The following HECW1 variants were observed in gnomAD, a reference collection of about 807,000 sequenced individuals.
HECW1 encodes the protein E3 ubiquitin-protein ligase HECW1.
In HECW1, 61 loss-of-function variants were observed where a neutral mutation model predicts 182.3. The observed-to-expected ratio is 0.33, with a 90% CI of 0.27 to 0.41. The LOEUF is 0.41. Ranked by LOEUF, HECW1 falls within the 10% of genes least tolerant of loss-of-function variation. HECW1 has a pLI of 1.00. For missense variants in HECW1, 1,739 were observed against 2,108.9 expected (o/e 0.82, Z 3.44); for synonymous variants, 859 against 832.6 (o/e 1.03, Z -0.55).
intron 8 of HECW1, 35 bp downstream of exon 8, chr7:43,407,766 A>G: frequency 3.8e-6 from 6 of 1,580,190 alleles, no homozygotes; most frequent in Non-Finnish European, 5.2e-6. Context: ...AAGCCCAAGT[A>G]AAAGTGAAAG....
At chr7:43,246,754 G>C (rs1799414754) in intron 3 of HECW1, among the ~76,000 whole-genome samples, 1 of 152,236 alleles carries the variant, frequency 6.6e-6, no homozygotes. Context: ...CTCTGTGTCT[G>C]TTAGGTCCCC....
intron 24 of HECW1, among the ~76,000 whole-genome samples, chr7:43,533,765 C>T (rs1275577782): frequency 1.3e-5 from 2 of 152,150 alleles, no homozygotes; most frequent in Non-Finnish European, 2.9e-5. Flanking sequence ...ACCAAATGCC[C>T]AGCCTCTTTA....
chr7:43,386,757 G>C (rs148505442), intron 6 of HECW1, among the ~76,000 whole-genome samples: 1 of 152,184 alleles, frequency 6.6e-6, no homozygotes, highest in African/African-American at 2.4e-5. Context: ...GATGAGGGAG[G>C]AATGTGTCCA....
chr7:43,473,320 C>G (rs980883599), intron 16 of HECW1, among the ~76,000 whole-genome samples: 3 of 152,182 alleles, frequency 2.0e-5, no homozygotes, highest in African/African-American at 7.2e-5. Context: ...TAGAAATTTC[C>G]TGGTTTCAGG....
chr7:43,560,672 G>A (rs1398624522), intron 29 of HECW1, among the ~76,000 whole-genome samples: 1 of 152,132 alleles, frequency 6.6e-6, no homozygotes, highest in Non-Finnish European at 1.5e-5. Flanking sequence ...CTGATACTCT[G>A]ATTTATATAC....
intron 2 of HECW1, among the ~76,000 whole-genome samples, chr7:43,141,759 A>G (rs1788181794): frequency 6.6e-6 from 1 of 152,146 alleles, no homozygotes; most frequent in African/African-American, 2.4e-5. Flanking sequence ...CGGCCTCCCA[A>G]AGTGCTGAGA....
chr7:43,190,171 T>C (rs1449905225), intron 2 of HECW1, among the ~76,000 whole-genome samples: 3 of 152,180 alleles, frequency 2.0e-5, no homozygotes, highest in Non-Finnish European at 4.4e-5. Context: ...TGGAGTGCAG[T>C]GGCATGATCT....
At chr7:43,336,103 CTTCT>C (rs1300854192) in intron 5 of HECW1, among the ~76,000 whole-genome samples, 97 of 107,170 alleles carry the variant, frequency 9.1e-4, no homozygotes, top group African/African-American at 2.1e-3. Context: ...TTCTTTCTTT[CTTCT>C]TTCTTTCTTT....
intron 7 of HECW1, among the ~76,000 whole-genome samples, chr7:43,403,998 G>C (rs1294715969): frequency 6.6e-6 from 1 of 152,036 alleles, no homozygotes; most frequent in Non-Finnish European, 1.5e-5. Context: ...ATTTACTTTT[G>C]GAAAATTCTA....
Position 43,114,356 on chromosome 7 carries a change from C to T in HECW1, c.-67C>T. 1 of 1,356,946 alleles carries T rather than the reference C, an allele frequency of 7.4e-7. No homozygotes were observed. The highest frequency in any genetic ancestry group is 9.7e-7 in the Non-Finnish European group (1 of 1,030,148). The allele number at this position is 1,356,946 out of a possible 1,614,324, so 84.1% of individuals were successfully genotyped here. On this transcript the variant is annotated 5_prime_UTR_variant, in exon 2 of 30. Transcript: ENST00000395891. ...AAAGCAGGTGGCCAGATCTGCGTTT[C>T]TCATCAGCAGACTCACTCCGGCTGT...
chr7:43,507,037 T>G, intron 21 of HECW1, 100 bp from the exon 22 acceptor site: 1 of 1,429,288 alleles, frequency 7.0e-7, no homozygotes, highest in African/African-American at 1.4e-5. Context: ...ACCACTGCAC[T>G]CCAGCCTGGG....
intron 2 of HECW1, among the ~76,000 whole-genome samples, chr7:43,124,436 C>A (rs376758597): frequency 3.3e-5 from 5 of 152,222 alleles, no homozygotes; most frequent in African/African-American, 1.2e-4. Flanking sequence ...TTTGTAGATT[C>A]ATAGAATGCT....
chr7:43,206,988 G>A (rs532225789), intron 2 of HECW1, among the ~76,000 whole-genome samples: 30 of 152,226 alleles, frequency 2.0e-4, no homozygotes, highest in African/African-American at 6.7e-4. Flanking sequence ...ATTATCTTCC[G>A]AAGTCCTTTG....
chr7:43,558,573 A>G (rs980929935), intron 29 of HECW1, among the ~76,000 whole-genome samples: 2 of 152,202 alleles, frequency 1.3e-5, no homozygotes, highest in African/African-American at 4.8e-5. Flanking sequence ...ACTGGTGTCC[A>G]TTGAGTAGAA....
chr7:43,135,425 G>C (rs1160089526), intron 2 of HECW1, among the ~76,000 whole-genome samples: 1 of 152,144 alleles, frequency 6.6e-6, no homozygotes, highest in African/African-American at 2.4e-5. Flanking sequence ...CACTAAATTT[G>C]ATGGAGCTAG....
chr7:43,148,460 A>G (rs529035082), intron 2 of HECW1, among the ~76,000 whole-genome samples: 1 of 151,626 alleles, frequency 6.6e-6, no homozygotes, highest in East Asian at 1.9e-4. Context: ...ATTCTGCCAG[A>G]TGCTTTCCAT....
At chr7:43,507,086 A>G (rs1050836934) in intron 21 of HECW1, 51 bp from the exon 22 acceptor site, 1 of 1,578,976 alleles carries the variant, frequency 6.3e-7, no homozygotes. Context: ...GAAAAAAAGA[A>G]GAAGAAGAAG....
Position 43,380,089 on chromosome 7 carries a change from T to C in HECW1, c.556-16725T>C, listed in dbSNP as rs536162004. ...CTTTTGTTGAGACAAGGTCTCACTC[T>C]GTAGCCCAGGCTAGAATTCAGTGGT... is the stretch of plus-strand genomic sequence containing the variant. On this transcript the variant is annotated intron_variant, in intron 6 of 29. Coordinates refer to ENST00000395891, the MANE Select transcript of HECW1 (RefSeq NM_015052.5). 3.3e-5 allele frequency among the ~76,000 whole-genome samples: 5 copies of C among 152,382 alleles called. No homozygotes were observed. The East Asian group carries it at 7.7e-4, about 23-fold the overall frequency.
rs1325768205 is a variant in HECW1 at position 43,374,534 on chromosome 7, G to A, written c.555+13554G>A. Among the ~76,000 whole-genome samples the A allele has an allele frequency of 5.8e-5, 3 of 51,840 alleles. 1 individual carries two copies. The African/African-American group carries it at 6.0e-4, about 10-fold the overall frequency. The allele number at this position is 51,840 out of a possible 152,430, so 34.0% of individuals were successfully genotyped here. On this transcript the variant is annotated intron_variant, in intron 6 of 29. Transcript: ENST00000395891. ...ATTTATGAACAACAGATGCACTTTG[G>A]GAGGCCGAGGCGGGCGGATCACGAG...
Sources: gnomAD v4.1 joint callset for allele counts (sites outside exome capture counted in the v4.1 genomes callset) on GRCh38, gnomAD v4.1.1 for gene constraint, MANE v1.5 for transcripts, NCBI Gene and HGNC (gene_info 2026-07-23, HGNC 2026-07-21) for gene names.